The following LRMDA variants were observed in gnomAD, a reference collection of about 807,000 sequenced individuals.
LRMDA encodes leucine rich melanocyte differentiation associated, also known as leucine-rich melanocyte differentiation-associated protein.
In LRMDA, 18 loss-of-function variants were observed where a neutral mutation model predicts 29.8. That is an observed-to-expected ratio of 0.60 (90% CI 0.42 to 0.90). LRMDA has a LOEUF of 0.90. LRMDA is among the 40% of genes least tolerant of loss of function. The probability of loss-of-function intolerance (pLI) is 0.00; values close to 1 mark genes in which losing one functional copy is unlikely to be tolerated. For synonymous variants in LRMDA, 125 were observed against 109.4 expected (o/e 1.14, Z -0.89); for missense variants, 273 against 273.9 (o/e 1.00, Z 0.02).
At chr10:75,556,946 TA>T (rs889017347) in intron 2 of LRMDA, among the ~76,000 whole-genome samples, 2 of 150,450 alleles carry the variant, frequency 1.3e-5, no homozygotes, top group African/African-American at 4.9e-5. Flanking sequence ...ACTAAAATTC[TA>T]AAAAAAAACT....
At chr10:76,240,459 TTA>T in intron 5 of LRMDA, among the ~76,000 whole-genome samples, 1 of 148,092 alleles carries the variant, frequency 6.8e-6, no homozygotes, top group South Asian at 2.1e-4. Context: ...ATGTTATATA[TTA>T]TATATATGTT....
chr10:75,916,349 G>T (rs1423163388), intron 2 of LRMDA, among the ~76,000 whole-genome samples: 1 of 152,114 alleles, frequency 6.6e-6, no homozygotes, highest in Admixed American at 6.5e-5. Flanking sequence ...GGCACACATG[G>T]CTATTGCTGG....
intron 2 of LRMDA, among the ~76,000 whole-genome samples, chr10:75,543,588 G>A (rs1840045084): frequency 6.6e-6 from 1 of 151,988 alleles, no homozygotes. Context: ...ATTTGTGTTT[G>A]TTTTGCTGGC....
intron 5 of LRMDA, among the ~76,000 whole-genome samples, chr10:76,273,277 C>T (rs551960845): frequency 5.3e-5 from 8 of 152,180 alleles, no homozygotes; most frequent in South Asian, 2.1e-4. Flanking sequence ...GATCTAAAAA[C>T]GGTGCATCCT....
At chr10:75,545,325 T>TG (rs761820872) in intron 2 of LRMDA, among the ~76,000 whole-genome samples, 24 of 152,136 alleles carry the variant, frequency 1.6e-4, no homozygotes, top group Non-Finnish European at 3.4e-4. Context: ...GGAGCTGGTC[T>TG]GGGGGGTTGG....
At chr10:75,516,171 G>T (rs1264735951) in intron 2 of LRMDA, among the ~76,000 whole-genome samples, 1 of 152,224 alleles carries the variant, frequency 6.6e-6, no homozygotes, top group Admixed American at 6.5e-5. Flanking sequence ...ACATATGTGT[G>T]CATGTGTCTT....
At chr10:75,793,092 G>A (rs1226520687) in intron 2 of LRMDA, among the ~76,000 whole-genome samples, 2 of 152,210 alleles carry the variant, frequency 1.3e-5, no homozygotes, top group Non-Finnish European at 2.9e-5. Context: ...AACCACAGGA[G>A]CAAAGGGATA....
intron 2 of LRMDA, among the ~76,000 whole-genome samples, chr10:75,799,279 C>G (rs1843706970): frequency 6.6e-6 from 1 of 152,150 alleles, no homozygotes; most frequent in South Asian, 2.1e-4. Context: ...CGTATGTCTT[C>G]CTGATTATCA....
Position 75,832,593 on chromosome 10 carries a change from C to T in LRMDA, c.132-203415C>T, listed in dbSNP as rs537647886. Reference sequence around the variant, plus strand: ...ACATTTTCAGGTATCTTTTCAGTGGCACCCCATTCTTGGTACCAATTTACT... The same window carrying T: ...ACATTTTCAGGTATCTTTTCAGTGGTACCCCATTCTTGGTACCAATTTACT... On this transcript the variant is annotated intron_variant, in intron 2 of 6. Transcript: ENST00000611255. Among the ~76,000 whole-genome samples the T allele has an allele frequency of 5.3e-5, 8 of 152,288 alleles. No individual in the cohort carries two copies. In the South Asian group the frequency reaches 1.7e-3, roughly 32 times the overall value.
intron 6 of LRMDA, among the ~76,000 whole-genome samples, chr10:76,506,374 A>G (rs1191885253): frequency 6.6e-6 from 1 of 152,070 alleles, no homozygotes. Context: ...TTACCTTTGC[A>G]TATTCAGTAT....
chr10:76,467,175 T>G (rs1842572688), intron 6 of LRMDA, among the ~76,000 whole-genome samples: 1 of 152,198 alleles, frequency 6.6e-6, no homozygotes, highest in African/African-American at 2.4e-5. Context: ...TTCTCAGCTA[T>G]GGAAAACGTG....
At chr10:76,276,429 C>T (rs997640155) in intron 5 of LRMDA, among the ~76,000 whole-genome samples, 8 of 152,122 alleles carry the variant, frequency 5.3e-5, no homozygotes, top group Non-Finnish European at 1.2e-4. Context: ...CAAACATGAG[C>T]CACTGCACCT....
At chr10:76,131,502 ATAGTCT>A (rs1412364253) in intron 5 of LRMDA, among the ~76,000 whole-genome samples, 2 of 152,214 alleles carry the variant, frequency 1.3e-5, no homozygotes, top group Non-Finnish European at 2.9e-5. Context: ...ACTTTAGGAA[ATAGTCT>A]TAGAAATATT....
intron 6 of LRMDA, among the ~76,000 whole-genome samples, chr10:76,372,160 G>A (rs1465922698): frequency 6.6e-6 from 1 of 152,090 alleles, no homozygotes; most frequent in Admixed American, 6.5e-5. Context: ...TGTAAGATGG[G>A]TATCAGTTCA....
chr10:75,616,231 T>TAGCAGCAGCAGCAGCAGCAGCAGCAGC (rs1332339686), intron 2 of LRMDA, among the ~76,000 whole-genome samples: 7 of 146,742 alleles, frequency 4.8e-5, no homozygotes, highest in Admixed American at 2.0e-4. Context: ...AGAACAGTAA[T>TAGCAGCAGCAGCAGCAGCAGCAGCAGC]AGTAGCAGTA....
chr10:76,553,417 C>T (rs1024508965), intron 6 of LRMDA, among the ~76,000 whole-genome samples: 2 of 152,208 alleles, frequency 1.3e-5, no homozygotes, highest in African/African-American at 2.4e-5. Context: ...CAAATTCCAG[C>T]CTCGGAGTGC....
intron 2 of LRMDA, among the ~76,000 whole-genome samples, chr10:75,674,066 G>C (rs1272598404): frequency 6.6e-6 from 1 of 152,186 alleles, no homozygotes; most frequent in Admixed American, 6.5e-5. Context: ...CCAGCTTGCT[G>C]TCTTTGAGAA....
chr10:75,693,933 A>G (rs1672393957), intron 2 of LRMDA, among the ~76,000 whole-genome samples: 1 of 152,210 alleles, frequency 6.6e-6, no homozygotes, highest in African/African-American at 2.4e-5. Context: ...GTTTTTCCTT[A>G]ACTAAAAACC....
intron 6 of LRMDA, among the ~76,000 whole-genome samples, chr10:76,394,439 A>G (rs545546277): frequency 6.6e-6 from 1 of 152,306 alleles, no homozygotes; most frequent in South Asian, 2.1e-4. Context: ...CTCTACAAAG[A>G]TGAAAATTGA....
Sources: gnomAD v4.1 joint callset for allele counts (sites outside exome capture counted in the v4.1 genomes callset) on GRCh38, gnomAD v4.1.1 for gene constraint, MANE v1.5 for transcripts, NCBI Gene and HGNC (gene_info 2026-07-23, HGNC 2026-07-21) for gene names.